Variants in DEGS2 observed in about 807,000 individuals in gnomAD.
DEGS2 encodes sphingolipid delta(4)-desaturase/C4-monooxygenase DES2.
In DEGS2, 19 loss-of-function variants were observed where a neutral mutation model predicts 23.8. The observed-to-expected ratio is 0.80, with a 90% CI of 0.56 to 1.17. DEGS2 has a LOEUF of 1.17. Ranked by LOEUF, DEGS2 falls within the 50% of genes most tolerant of loss-of-function variation. The pLI, the probability that DEGS2 is intolerant of heterozygous loss-of-function variation, is 0.00. For synonymous variants in DEGS2, 218 were observed against 213.7 expected (o/e 1.02, Z -0.18); for missense variants, 390 against 459.5 (o/e 0.85, Z 1.38).
chr14:100,155,291 T>G (rs190632213), intron 1 of DEGS2, among the ~76,000 whole-genome samples: 1 of 152,170 alleles, frequency 6.6e-6, no homozygotes, highest in East Asian at 1.9e-4. Context: ...GGGACAAGCT[T>G]CTCCTCACAA....
At position 100,159,645 on chromosome 14, in the gene DEGS2, C is replaced by T. The variant is rs1053071336; in HGVS notation, c.-58G>A. ...CGGCTCGGCTCTGCTGCACCTGTCG[C>T]GGCGGCCGCGGCGCGGAACCAGCTC... On this transcript the variant is annotated 5_prime_UTR_variant, in exon 1 of 3. Transcript: ENST00000305631. The T allele has an allele frequency of 1.3e-5, 10 of 758,310 alleles. No individual in the cohort carries two copies. Among genetic ancestry groups the T allele is most frequent in the African/African-American group, 2.1e-5 (1 of 47,998 alleles). The allele number at this position is 758,310 out of a possible 1,614,324, so 47.0% of individuals were successfully genotyped here.
At chr14:100,151,296 T>G (rs920947265) in intron 1 of DEGS2, among the ~76,000 whole-genome samples, 2 of 152,240 alleles carry the variant, frequency 1.3e-5, no homozygotes, top group Non-Finnish European at 2.9e-5. Flanking sequence ...AAAGCTGGTC[T>G]TGGGGCGATG....
At chr14:100,150,954 A>G (rs1485796545) in intron 1 of DEGS2, among the ~76,000 whole-genome samples, 1 of 152,208 alleles carries the variant, frequency 6.6e-6, no homozygotes, top group African/African-American at 2.4e-5. Context: ...CTGGGACCCC[A>G]GAAACAGGCA....
At chr14:100,163,876 A>T (rs1889777061), upstream of DEGS2, among the ~76,000 whole-genome samples, 1 of 151,830 alleles carries the variant, frequency 6.6e-6, no homozygotes, top group Non-Finnish European at 1.5e-5. Context: ...CGCCCACCAC[A>T]CCCAGCTTAT....
intron 2 of DEGS2, 27 bp from the exon 3 acceptor site, chr14:100,146,934 G>T (rs1208651251): frequency 1.2e-6 from 2 of 1,602,996 alleles, no homozygotes; most frequent in East Asian, 4.5e-5. Context: ...GGGGCTCAGG[G>T]GCTGGTTCTC....
intron 1 of DEGS2, among the ~76,000 whole-genome samples, chr14:100,155,424 G>A (rs1403576665): frequency 2.6e-5 from 4 of 152,176 alleles, no homozygotes; most frequent in African/African-American, 9.7e-5. Flanking sequence ...TGTGCCAAGA[G>A]ACAAGCCTGA....
upstream of DEGS2, chr14:100,159,649 G>C: frequency 1.7e-6 from 2 of 1,203,950 alleles, no homozygotes; most frequent in Non-Finnish European, 2.2e-6. Flanking sequence ...CTGTCGCGGC[G>C]GCCGCGGCGC....
the DEGS2 span, among the ~76,000 whole-genome samples, chr14:100,166,235 AGAGTGGGGGGAGCCTGTCCGGGG>A: frequency 2.9e-4 from 4 of 13,610 alleles, no homozygotes; most frequent in Non-Finnish European, 5.0e-4. Flanking sequence ...CCCATCCAGG[AGAGTGGGGGGAGCCTGTCCGGGG>A]GAGTGGGGGG....
chr14:100,161,189 G>A (rs1023137685), upstream of DEGS2, among the ~76,000 whole-genome samples: 5 of 152,134 alleles, frequency 3.3e-5, no homozygotes, highest in African/African-American at 1.2e-4. Flanking sequence ...GTTGAACTCC[G>A]TGAGATCTGC....
chr14:100,160,215 C>G (rs1889730235), upstream of DEGS2: 1 of 152,302 alleles, frequency 6.6e-6, no homozygotes, highest in South Asian at 2.1e-4. Flanking sequence ...AGCAACCTCA[C>G]AGGGATGAGT....
intron 1 of DEGS2, among the ~76,000 whole-genome samples, 171 bp downstream of exon 1, chr14:100,159,335 G>T (rs1889710826): frequency 6.6e-6 from 1 of 152,202 alleles, no homozygotes; most frequent in African/African-American, 2.4e-5. Flanking sequence ...CCAGGGTGGG[G>T]GACCCTCGGG....
chr14:100,147,832 C>A (rs1398615736), intron 2 of DEGS2, among the ~76,000 whole-genome samples: 3 of 152,128 alleles, frequency 2.0e-5, no homozygotes, highest in African/African-American at 7.2e-5. Flanking sequence ...ACGGCAGGCA[C>A]TCTTGCCAAC....
chr14:100,166,259 G>T, the DEGS2 span, among the ~76,000 whole-genome samples: 1 of 15,410 alleles, frequency 6.5e-5, no homozygotes, highest in East Asian at 2.4e-3. Flanking sequence ...CTGTCCGGGG[G>T]AGTGGGGGGA....
At chr14:100,159,761 C>G (rs1025659546), upstream of DEGS2, 11 of 347,424 alleles carry the variant, frequency 3.2e-5, no homozygotes, top group African/African-American at 2.4e-4. Context: ...GCGGCCGGGC[C>G]CCGGCGCTCT....
At chr14:100,160,608 A>G (rs1350233092), upstream of DEGS2, among the ~76,000 whole-genome samples, 1 of 152,210 alleles carries the variant, frequency 6.6e-6, no homozygotes, top group African/African-American at 2.4e-5. Context: ...CCTGTGGGCC[A>G]GAGCCTGGCC....
In DEGS2 at chr14:100,149,332, C is replaced by T; in HGVS notation, c.461G>A (p.Cys154Tyr). Residue 154 changes from cysteine to tyrosine, a missense_variant, in exon 2 of 3, where the codon TGC becomes TAC. Physicochemically the swap from Cys to Tyr is radical, Grantham distance 194. Transcript: ENST00000305631. Reference sequence around the variant, plus strand: ...CCAGAGCAGCTTGCGGGCGGGTGTGCAGAAGAACCAGCCCTCCAGACGCGT... The same window carrying T: ...CCAGAGCAGCTTGCGGGCGGGTGTGTAGAAGAACCAGCCCTCCAGACGCGT... ...VPTRLEGWFF[C>Y]TPARKLLWLV... 6.2e-7 allele frequency: 1 copy of T among 1,610,638 alleles called. No individual in the cohort carries two copies. The highest frequency in any genetic ancestry group is 2.2e-5 in the East Asian group (1 of 44,836).
At chr14:100,161,812 G>A (rs1279116861), upstream of DEGS2, among the ~76,000 whole-genome samples, 21 of 152,218 alleles carry the variant, frequency 1.4e-4, no homozygotes, top group Admixed American at 6.5e-5. Context: ...GCTCACGCCT[G>A]TAATCCCAGC....
chr14:100,156,988 C>A (rs1889668583), intron 1 of DEGS2, among the ~76,000 whole-genome samples: 3 of 152,210 alleles, frequency 2.0e-5, no homozygotes, highest in Admixed American at 6.5e-5. Flanking sequence ...CAAGCCCTGG[C>A]CCCAGGTGCC....
At chr14:100,159,277 G>A (rs1001461651) in intron 1 of DEGS2, among the ~76,000 whole-genome samples, 1 of 152,208 alleles carries the variant, frequency 6.6e-6, no homozygotes, top group African/African-American at 2.4e-5. Flanking sequence ...GCTCGGACCC[G>A]TACTGGGGTC....
Sources: gnomAD v4.1 joint callset for allele counts (sites outside exome capture counted in the v4.1 genomes callset) on GRCh38, gnomAD v4.1.1 for gene constraint, MANE v1.5 for transcripts, NCBI Gene and HGNC (gene_info 2026-07-23, HGNC 2026-07-21) for gene names.